Variants in RSPH14 observed in about 807,000 individuals in gnomAD.
The protein encoded by RSPH14 is rhabdoid tumor deletion region gene 1.
RSPH14 carries 20 observed loss-of-function variants against 26.7 expected under a neutral mutation model. The observed-to-expected ratio is 0.75, with a 90% CI of 0.53 to 1.09. The LOEUF (loss-of-function observed/expected upper bound fraction) is 1.09. Among genes scored for constraint, RSPH14 ranks in the 50% least tolerant of loss-of-function variants. RSPH14 has a pLI of 0.00. For synonymous variants in RSPH14, 177 were observed against 189.3 expected (o/e 0.93, Z 0.53); for missense variants, 449 against 457.2 (o/e 0.98, Z 0.16).
At chr22:23,099,067 C>T (rs1234792604) in intron 4 of RSPH14, among the ~76,000 whole-genome samples, 2 of 152,238 alleles carry the variant, frequency 1.3e-5, no homozygotes, top group African/African-American at 4.8e-5. Context: ...GCCCTCCTTC[C>T]GTGCTCAGCT....
the RSPH14 span, chr22:23,150,192 A>G: frequency 6.7e-7 from 1 of 1,501,810 alleles, no homozygotes; most frequent in Non-Finnish European, 9.2e-7. Context: ...AGCAGGTGGC[A>G]AGAAGGAATG....
intron 4 of RSPH14, chr22:23,131,624 T>A (rs1313428779): frequency 6.1e-6 from 8 of 1,304,014 alleles, no homozygotes; most frequent in Non-Finnish European, 7.1e-6. Context: ...GCAAGTCCCC[T>A]GTCTCCACAC....
upstream of RSPH14, chr22:23,146,692 A>G (rs777972544): frequency 2.5e-6 from 4 of 1,613,504 alleles, no homozygotes; most frequent in South Asian, 1.1e-5. Context: ...TAAGGTAGAG[A>G]GTCATTACGT....
rs142688626 is a variant in RSPH14, at chr22:23,062,819, C to T, written c.654-874G>A. The stretch of plus-strand genomic sequence containing the variant: ...ACACAGCAAGACACTGAGACAAGAG[C>T]GATGCAGGGATTCCCCGATTTGTTC... On this transcript the variant is annotated intron_variant, in intron 5 of 6. Transcript: ENST00000216036. 4.6e-5 allele frequency among the ~76,000 whole-genome samples: 7 copies of T among 152,324 alleles called. No homozygotes were observed. The East Asian group carries it at 9.6e-4, about 21-fold the overall frequency.
intron 4 of RSPH14, among the ~76,000 whole-genome samples, chr22:23,075,048 G>A (rs1260429463): frequency 6.6e-6 from 1 of 152,160 alleles, no homozygotes; most frequent in Admixed American, 6.5e-5. Flanking sequence ...CAACAGCAGA[G>A]CATTAAAACT....
At chr22:23,147,742 C>T (rs545282469), upstream of RSPH14, among the ~76,000 whole-genome samples, 2 of 152,298 alleles carry the variant, frequency 1.3e-5, no homozygotes, top group East Asian at 1.9e-4. Flanking sequence ...TAAGATACAA[C>T]GTAAACATCC....
chr22:23,108,076 C>T (rs1285574060), intron 4 of RSPH14, among the ~76,000 whole-genome samples: 4 of 152,258 alleles, frequency 2.6e-5, no homozygotes, highest in African/African-American at 4.8e-5. Flanking sequence ...TGATCCAGCC[C>T]ATCTGTGGGC....
At chr22:23,155,978 G>A in the RSPH14 span, 2 of 1,612,062 alleles carry the variant, frequency 1.2e-6, no homozygotes, top group Non-Finnish European at 1.7e-6. Context: ...CTGGGACACA[G>A]CTGGGCAGGA....
At chr22:23,096,803 C>A in intron 4 of RSPH14, among the ~76,000 whole-genome samples, 1 of 152,272 alleles carries the variant, frequency 6.6e-6, no homozygotes, top group East Asian at 1.9e-4. Context: ...GTCTGCAAAT[C>A]TGGCAGAGAT....
At chr22:23,127,113 G>T (rs2070202293) in intron 4 of RSPH14, among the ~76,000 whole-genome samples, 1 of 152,200 alleles carries the variant, frequency 6.6e-6, no homozygotes, top group Non-Finnish European at 1.5e-5. Flanking sequence ...GATCCCCACA[G>T]TGGCAACAGG....
chr22:23,065,419 T>C (rs143346128), intron 4 of RSPH14, among the ~76,000 whole-genome samples: 2,117 of 151,764 alleles, frequency 0.014, 29 homozygotes, highest in Middle Eastern at 0.048. Flanking sequence ...CACTGTGGTA[T>C]CAGATGGAGC....
chr22:23,082,514 C>T (rs900680662), intron 4 of RSPH14, among the ~76,000 whole-genome samples: 1 of 151,876 alleles, frequency 6.6e-6, no homozygotes, highest in Non-Finnish European at 1.5e-5. Flanking sequence ...CCACCGCGCC[C>T]GGCCTCGTTG....
chr22:23,177,953 C>T, the RSPH14 span, among the ~76,000 whole-genome samples: 1 of 152,272 alleles, frequency 6.6e-6, no homozygotes, highest in South Asian at 2.1e-4. Context: ...GCACGAGGCA[C>T]CATGCCAGGC....
chr22:23,174,136 G>A, the RSPH14 span, among the ~76,000 whole-genome samples: 1 of 152,072 alleles, frequency 6.6e-6, no homozygotes, highest in East Asian at 1.9e-4. Flanking sequence ...CCAGTAAAGG[G>A]AAAGGGTGGC....
chr22:23,142,767 A>C (rs1456699942), upstream of RSPH14, among the ~76,000 whole-genome samples: 2 of 152,210 alleles, frequency 1.3e-5, no homozygotes, highest in African/African-American at 4.8e-5. Flanking sequence ...ACTGCTGGCC[A>C]GCGTAGCTGT....
chr22:23,096,321 G>A, intron 4 of RSPH14: 1 of 1,613,836 alleles, frequency 6.2e-7, no homozygotes, highest in Non-Finnish European at 8.5e-7. Context: ...AGGTCAGAGC[G>A]CAAAAAGTGG....
the RSPH14 span, chr22:23,156,027 C>T: frequency 6.2e-7 from 1 of 1,611,840 alleles, no homozygotes; most frequent in Non-Finnish European, 8.5e-7. Flanking sequence ...TACCGGGGTG[C>T]CCAGGGTGAG....
upstream of RSPH14, among the ~76,000 whole-genome samples, chr22:23,142,689 A>T (rs1387922063): frequency 1.3e-5 from 2 of 152,190 alleles, no homozygotes; most frequent in Non-Finnish European, 2.9e-5. Context: ...AGCCCTGCCC[A>T]TGCCCCTTGC....
rs769940483 is a variant in RSPH14, at chr22:23,138,859, C to A, written c.283G>T (p.Ala95Ser). Residue 95 changes from alanine to serine, a missense_variant, in exon 3 of 7, where the codon GCA becomes TCA. Coordinates refer to ENST00000216036, the MANE Select transcript of RSPH14 (RefSeq NM_014433.3). Reference protein sequence around the residue: ...IKTTEVLHITASHSVGRYAFL... With the variant: ...IKTTEVLHITSSHSVGRYAFL... ...TCCCACCTGCCCACGCTATGGCTTG[C>A]CGTGATGTGGAGCACCTCGGTGGTC... 6.4e-7 allele frequency: 1 copy of A among 1,551,556 alleles called. No individual in the cohort carries two copies. Among genetic ancestry groups the A allele is most frequent in the Non-Finnish European group, 8.7e-7 (1 of 1,147,158 alleles).
Sources: allele counts gnomAD v4.1 joint callset (sites outside exome capture counted in the v4.1 genomes callset), GRCh38; gene constraint gnomAD v4.1.1; transcripts MANE v1.5; gene names NCBI Gene and HGNC (gene_info 2026-07-23, HGNC 2026-07-21).